Variants in OR2C1 observed in about 807,000 individuals in gnomAD.
The protein encoded by OR2C1 is olfactory receptor family 2 subfamily C member 1.
For missense variants in OR2C1, 468 were observed against 388.3 expected, an observed-to-expected ratio of 1.21 and a Z score of -1.73; for synonymous variants, 209 against 167.3, an observed-to-expected ratio of 1.25 and a Z score of -1.92.
At chr16:3,328,202 A>G in the OR2C1 span, among the ~76,000 whole-genome samples, 4 of 152,240 alleles carry the variant, frequency 2.6e-5, no homozygotes, top group African/African-American at 9.6e-5. Context: ...AACTGCTGTG[A>G]AAGATCCTTT....
chr16:3,331,835 A>C, the OR2C1 span, among the ~76,000 whole-genome samples: 2 of 150,256 alleles, frequency 1.3e-5, no homozygotes, highest in Admixed American at 1.3e-4. Context: ...CCAAATGTCC[A>C]ACAATGATAG....
At chr16:3,332,046 A>G in the OR2C1 span, among the ~76,000 whole-genome samples, 2 of 139,238 alleles carry the variant, frequency 1.4e-5, no homozygotes, top group African/African-American at 5.4e-5. Context: ...AGGACACAGG[A>G]AGGGGAACAT....
the OR2C1 span, among the ~76,000 whole-genome samples, chr16:3,331,129 G>C: frequency 2.0e-5 from 3 of 152,184 alleles, no homozygotes; most frequent in Admixed American, 6.5e-5. Context: ...GCATTTCTCT[G>C]ATGGCCAATG....
Position 3,356,477 on chromosome 16 carries a change from C to A in OR2C1, c.537C>A (p.Cys179Ter), listed in dbSNP as rs115378494. Reference sequence around the variant, plus strand: ...ACCGGAGGGTGGAGGGATTCCTCTGCGAGGTGCCTGCCATGATCAAACTGG... The same window carrying A: ...ACCGGAGGGTGGAGGGATTCCTCTGAGAGGTGCCTGCCATGATCAAACTGG... ...CGHRRVEGFLCEVPAMIKLAC... is the reference protein window; with the variant it reads ...CGHRRVEGFL Residue 179 changes from cysteine (C) to a stop codon, truncating the protein, a stop_gained, in exon 1 of 1, where the codon TGC (cysteine) becomes TGA (stop). Coordinates refer to ENST00000304936, the MANE Select transcript of OR2C1 (RefSeq NM_012368.3). LOFTEE classifies it low-confidence loss of function (END_TRUNC). 1.2e-6 allele frequency: 2 copies of A among 1,614,034 alleles called. No homozygotes were observed. The highest frequency in any genetic ancestry group is 2.2e-5 in the East Asian group (1 of 44,886).
chr16:3,352,435 T>C (rs1377296591), upstream of OR2C1, among the ~76,000 whole-genome samples: 1 of 152,184 alleles, frequency 6.6e-6, no homozygotes, highest in Non-Finnish European at 1.5e-5. Flanking sequence ...GTTTTTAAAC[T>C]TATGATGTTT....
chr16:3,328,572 G>A, the OR2C1 span, among the ~76,000 whole-genome samples: 1 of 152,292 alleles, frequency 6.6e-6, no homozygotes, highest in East Asian at 1.9e-4. Context: ...TCTCCTGGGA[G>A]GACAATGTAA....
chr16:3,324,631 T>C, the OR2C1 span, among the ~76,000 whole-genome samples: 1 of 152,186 alleles, frequency 6.6e-6, no homozygotes, highest in Non-Finnish European at 1.5e-5. Flanking sequence ...TTTATAAATA[T>C]GTTAGAGATG....
chr16:3,339,692 G>A, the OR2C1 span, among the ~76,000 whole-genome samples: 24 of 151,960 alleles, frequency 1.6e-4, no homozygotes, highest in African/African-American at 4.8e-4. Context: ...TCTTGACCTC[G>A]TGATCCACCC....
chr16:3,323,661 A>G, the OR2C1 span: 14 of 694,218 alleles, frequency 2.0e-5, no homozygotes, highest in Non-Finnish European at 3.6e-5. Flanking sequence ...CATACAACAA[A>G]GGCCAAGGAA....
the OR2C1 span, among the ~76,000 whole-genome samples, chr16:3,333,418 C>T: frequency 7.2e-5 from 11 of 151,980 alleles, no homozygotes; most frequent in East Asian, 2.1e-3. Flanking sequence ...TCACTGCAAG[C>T]TCCGCCTCCC....
chr16:3,333,652 C>A, the OR2C1 span, among the ~76,000 whole-genome samples: 1 of 152,090 alleles, frequency 6.6e-6, no homozygotes, highest in Non-Finnish European at 1.5e-5. Context: ...CAAATATTTT[C>A]TATGGGTTGT....
At chr16:3,342,738 G>A in the OR2C1 span, among the ~76,000 whole-genome samples, 1 of 152,048 alleles carries the variant, frequency 6.6e-6, no homozygotes, top group Non-Finnish European at 1.5e-5. Context: ...ATTACCAGGC[G>A]CAGTGGCAGG....
chr16:3,357,362 C>T (rs2030698297), downstream of OR2C1: 1 of 157,724 alleles, frequency 6.3e-6, no homozygotes, highest in Non-Finnish European at 1.4e-5. Flanking sequence ...CTTTGCCTAC[C>T]TCTTTTTGTC....
chr16:3,337,107 A>C, the OR2C1 span, among the ~76,000 whole-genome samples: 2 of 150,770 alleles, frequency 1.3e-5, no homozygotes, highest in Non-Finnish European at 3.0e-5. Context: ...CACCTGCCTC[A>C]GCCTCCCAAA....
At chr16:3,325,530 A>G in the OR2C1 span, among the ~76,000 whole-genome samples, 8 of 148,416 alleles carry the variant, frequency 5.4e-5, no homozygotes, top group Admixed American at 1.3e-4. Flanking sequence ...TGGCATGGAG[A>G]TATGAAGTGA....
the OR2C1 span, among the ~76,000 whole-genome samples, chr16:3,339,834 A>G: frequency 6.6e-6 from 1 of 152,108 alleles, no homozygotes; most frequent in African/African-American, 2.4e-5. Flanking sequence ...ATATATTATC[A>G]TTATAGCCAT....
the OR2C1 span, among the ~76,000 whole-genome samples, chr16:3,325,484 T>A: frequency 0.029 from 3,543 of 120,570 alleles, 204 homozygotes; most frequent in African/African-American, 0.09. Flanking sequence ...TATATATATA[T>A]ATATATATAT....
At chr16:3,332,720 C>CATATATATATATATATATATATAT in the OR2C1 span, among the ~76,000 whole-genome samples, 73 of 148,716 alleles carry the variant, frequency 4.9e-4, 1 homozygote, top group African/African-American at 1.7e-3. Context: ...TATTCTATTG[C>CATATATATATATATATATATATAT]ATATATATAT....
chr16:3,330,851 C>A, the OR2C1 span, among the ~76,000 whole-genome samples: 1 of 152,142 alleles, frequency 6.6e-6, no homozygotes, highest in South Asian at 2.1e-4. Context: ...AAGAGATCAT[C>A]CTGCCTCAAC....
Sources: allele counts gnomAD v4.1 joint callset (sites outside exome capture counted in the v4.1 genomes callset), GRCh38; gene constraint gnomAD v4.1.1; transcripts MANE v1.5; gene names NCBI Gene and HGNC (gene_info 2026-07-23, HGNC 2026-07-21).